CEP63: variants seen among roughly 807,000 people sequenced by gnomAD.
CEP63 encodes the protein centrosomal protein 63, also known as centrosomal protein of 63 kDa.
A neutral mutation model predicts 89.1 loss-of-function variants in CEP63; 84 were observed. That is an observed-to-expected ratio of 0.94 (90% CI 0.79 to 1.13). The LOEUF is 1.13. Among genes scored for constraint, CEP63 ranks in the 50% most tolerant of loss-of-function variants. CEP63 has a pLI of 0.00. For missense variants in CEP63, 838 were observed against 813.3 expected, an observed-to-expected ratio of 1.03 and a Z score of -0.37; for synonymous variants, 267 against 272.5, an observed-to-expected ratio of 0.98 and a Z score of 0.20.
At chr3:134,754,179 A>C in the CEP63 span, among the ~76,000 whole-genome samples, 1 of 152,186 alleles carries the variant, frequency 6.6e-6, no homozygotes, top group Non-Finnish European at 1.5e-5. Flanking sequence ...ACACACGGTG[A>C]TGGGGCTACA....
At chr3:134,613,307 C>T in the CEP63 span, 5 of 152,990 alleles carry the variant, frequency 3.3e-5, no homozygotes, top group South Asian at 2.1e-4. Context: ...TGTCCTAGGC[C>T]GTGTGCCCAG....
chr3:134,578,576 C>T (rs1472032058), downstream of CEP63, among the ~76,000 whole-genome samples: 2 of 152,062 alleles, frequency 1.3e-5, no homozygotes, highest in African/African-American at 2.4e-5. Context: ...GTGATCTGCC[C>T]ACCTTGGCCT....
At position 134,537,192 on chromosome 3, in the gene CEP63, G is replaced by C. The variant is rs202055421; in HGVS notation, c.479G>C (p.Arg160Pro). The change falls in exon 6 of 15, where the codon CGC becomes CCC. Residue 160 changes from arginine (R) to proline (P), a missense_variant. Physicochemically the swap from Arg to Pro is moderately radical, Grantham distance 103. Transcript: ENST00000675561. ...RQKSLDWEKQ[R>P]LIYQQQVSSL... ...AAATCGCTGGACTGGGAGAAGCAAC[G>C]CTTGATTTATCAGCAACAGGTATCT... 5.1e-5 allele frequency: 83 copies of C among 1,613,830 alleles called. No homozygotes were observed. The highest frequency in any genetic ancestry group is 1.7e-6 in the Non-Finnish European group (2 of 1,179,818).
At chr3:134,570,612 G>A (rs1957971615) in intron 11 of CEP63, among the ~76,000 whole-genome samples, 1 of 152,188 alleles carries the variant, frequency 6.6e-6, no homozygotes, top group South Asian at 2.1e-4. Flanking sequence ...TCTCTAGGAA[G>A]TTCCAAACTT....
the CEP63 span, among the ~76,000 whole-genome samples, chr3:134,742,250 A>G: frequency 6.6e-6 from 1 of 151,894 alleles, no homozygotes; most frequent in Non-Finnish European, 1.5e-5. Context: ...GTCTTCTTCC[A>G]TCTGCAAGTT....
chr3:134,486,406 G>T, intron 1 of CEP63: 1 of 985,494 alleles, frequency 1.0e-6, no homozygotes. Context: ...GCTTGGGTCC[G>T]CCCCGAAGCC....
chr3:134,684,825 C>T, the CEP63 span, among the ~76,000 whole-genome samples: 1 of 152,210 alleles, frequency 6.6e-6, no homozygotes, highest in Non-Finnish European at 1.5e-5. Context: ...CCAACTGGAC[C>T]AATTTAGGCC....
At chr3:134,747,497 G>T in the CEP63 span, among the ~76,000 whole-genome samples, 1 of 152,154 alleles carries the variant, frequency 6.6e-6, no homozygotes, top group Non-Finnish European at 1.5e-5. Context: ...AGATTTGGCA[G>T]GTGTGTTTAG....
the CEP63 span, among the ~76,000 whole-genome samples, chr3:134,673,083 A>G: frequency 1.3e-5 from 2 of 152,168 alleles, no homozygotes; most frequent in African/African-American, 4.8e-5. Flanking sequence ...ACTGCCCTGA[A>G]TGAGGTGGAT....
At chr3:134,626,196 G>A in the CEP63 span, among the ~76,000 whole-genome samples, 1 of 152,332 alleles carries the variant, frequency 6.6e-6, no homozygotes, top group South Asian at 2.1e-4. Flanking sequence ...CCTGATCCAG[G>A]TGGACCCACC....
At position 134,535,844 on chromosome 3, in the gene CEP63, A is replaced by G. The variant is rs370676286; in HGVS notation, c.442-1311A>G. 5 of 152,314 alleles carry G rather than the reference A, an allele frequency of 3.3e-5. No homozygotes were observed. The South Asian group carries it at 8.3e-4, about 25-fold the overall frequency. 9.4% of individuals were successfully genotyped at this position (152,314 alleles called of 1,614,324 possible). A position where few individuals can be genotyped will look rare whatever the true frequency, so the allele number is the denominator to read the frequency against. On this transcript the variant is annotated intron_variant, in intron 5 of 14. Transcript: ENST00000675561. ...TGATAGCCAGAATGATTCTGCTGTA[A>G]TGTAAGTCAAATTATATCACTTCCT...
At chr3:134,590,608 A>G (rs1958579727), downstream of CEP63, among the ~76,000 whole-genome samples, 1 of 152,234 alleles carries the variant, frequency 6.6e-6, no homozygotes, top group Non-Finnish European at 1.5e-5. Context: ...TCAGACGTCC[A>G]AACACAGTGC....
At chr3:134,566,736 C>G (rs2110251260), downstream of CEP63, among the ~76,000 whole-genome samples, 1 of 152,012 alleles carries the variant, frequency 6.6e-6, no homozygotes, top group South Asian at 2.1e-4. Flanking sequence ...AAATAAGATA[C>G]CATTACACAT....
downstream of CEP63, among the ~76,000 whole-genome samples, chr3:134,591,883 T>TC (rs1480774833): frequency 1.4e-4 from 13 of 90,866 alleles, no homozygotes; most frequent in South Asian, 4.5e-4. Flanking sequence ...CCAGACCCTG[T>TC]CCCCCCAAAA....
At chr3:134,665,758 G>T in the CEP63 span, among the ~76,000 whole-genome samples, 1 of 151,866 alleles carries the variant, frequency 6.6e-6, no homozygotes, top group Admixed American at 6.6e-5. Flanking sequence ...GAGACATTGA[G>T]AGACAGACAA....
At chr3:134,707,888 A>T in the CEP63 span, among the ~76,000 whole-genome samples, 1 of 151,998 alleles carries the variant, frequency 6.6e-6, no homozygotes, top group Non-Finnish European at 1.5e-5. Flanking sequence ...TTCCCAATGC[A>T]TGGAAAGGGC....
Position 134,551,931 on chromosome 3 carries a change from T to A in CEP63, c.1386T>A (p.Ile462=), listed in dbSNP as rs1954958174. 2.5e-6 allele frequency: 4 copies of A among 1,604,928 alleles called. No homozygotes were observed. Among genetic ancestry groups the A allele is most frequent in the Non-Finnish European group, 2.6e-6 (3 of 1,173,976 alleles). Reference sequence around the variant, plus strand: ...TTCTGTTTTCCCCTTTTCAGGAGATTTTGGATCAGCTGGAGTCACTCAAAT... The same window carrying A: ...TTCTGTTTTCCCCTTTTCAGGAGATATTGGATCAGCTGGAGTCACTCAAAT... ...AEDKAVEHKE[I]LDQLESLKLE... The change falls in exon 12 of 15, where the codon ATT becomes ATA. Residue 462 remains isoleucine, a synonymous_variant. Transcript: ENST00000675561.
At chr3:134,547,610 A>ATTTATTTTTT in intron 9 of CEP63, 138 bp downstream of exon 9, 2 of 226,808 alleles carry the variant, frequency 8.8e-6, no homozygotes, top group African/African-American at 6.6e-5. Flanking sequence ...CTAAGTTCTT[A>ATTTATTTTTT]TTTCTTTTTT....
chr3:134,650,127 C>G, the CEP63 span, among the ~76,000 whole-genome samples: 2 of 152,200 alleles, frequency 1.3e-5, no homozygotes, highest in East Asian at 3.9e-4. Context: ...AGGCCCGGAT[C>G]CTGCTTTCCA....
Sources: gnomAD v4.1 joint callset for allele counts (sites outside exome capture counted in the v4.1 genomes callset) on GRCh38, gnomAD v4.1.1 for gene constraint, MANE v1.5 for transcripts, NCBI Gene and HGNC (gene_info 2026-07-23, HGNC 2026-07-21) for gene names.